Variants in NARS2 observed in about 807,000 individuals in gnomAD.
The protein encoded by NARS2 is asparaginyl-tRNA synthetase.
A neutral mutation model predicts 62.9 loss-of-function variants in NARS2; 60 were observed. The ratio of observed to expected loss-of-function variants is 0.95; its 90% CI spans 0.77 to 1.18. The LOEUF (loss-of-function observed/expected upper bound fraction) is 1.18. Among genes scored for constraint, NARS2 ranks in the 50% most tolerant of loss-of-function variants. The pLI is 0.00. For synonymous variants in NARS2, 196 were observed against 200.0 expected, an observed-to-expected ratio of 0.98 and a Z score of 0.17; for missense variants, 619 against 576.4, an observed-to-expected ratio of 1.07 and a Z score of -0.76.
intron 5 of NARS2, among the ~76,000 whole-genome samples, chr11:78,543,025 T>C (rs1315811464): frequency 6.6e-6 from 1 of 151,778 alleles, no homozygotes; most frequent in Middle Eastern, 3.2e-3. Flanking sequence ...TAATCAAGAG[T>C]AAGTTAGCCA....
intron 11 of NARS2, among the ~76,000 whole-genome samples, chr11:78,465,167 C>T (rs978284977): frequency 6.6e-6 from 1 of 152,230 alleles, no homozygotes; most frequent in African/African-American, 2.4e-5. Flanking sequence ...TGCTGCTGGC[C>T]CAGGTGCTAA....
chr11:78,483,122 G>A (rs953333663), intron 7 of NARS2, among the ~76,000 whole-genome samples: 1 of 152,106 alleles, frequency 6.6e-6, no homozygotes, highest in South Asian at 2.1e-4. Flanking sequence ...CACATAAACA[G>A]AACCAATGAC....
intron 5 of NARS2, among the ~76,000 whole-genome samples, chr11:78,558,898 C>T (rs1355400036): frequency 6.6e-6 from 1 of 152,144 alleles, no homozygotes; most frequent in African/African-American, 2.4e-5. Flanking sequence ...CAAATATTAA[C>T]TGTGGATTGA....
At chr11:78,541,920 T>C (rs1855635745) in intron 5 of NARS2, among the ~76,000 whole-genome samples, 1 of 152,178 alleles carries the variant, frequency 6.6e-6, no homozygotes, top group South Asian at 2.1e-4. Context: ...TAAACTGCAT[T>C]CTATTTTGCC....
chr11:78,568,827 G>A (rs987699843), intron 2 of NARS2, 75 bp from the exon 3 acceptor site: 2 of 1,218,898 alleles, frequency 1.6e-6, no homozygotes, highest in Non-Finnish European at 2.3e-6. Flanking sequence ...TTTGCAATAA[G>A]AATATTAAAA....
At chr11:78,561,840 A>G (rs1856566387) in intron 4 of NARS2, among the ~76,000 whole-genome samples, 1 of 152,116 alleles carries the variant, frequency 6.6e-6, no homozygotes, top group African/African-American at 2.4e-5. Context: ...CGGGTGAATC[A>G]CCTGAGGTCA....
chr11:78,492,112 G>GACAC (rs754089395), intron 7 of NARS2, among the ~76,000 whole-genome samples: 9,850 of 145,182 alleles, frequency 0.068, 404 homozygotes, highest in Middle Eastern at 0.13. Flanking sequence ...TATATATACA[G>GACAC]ACACACACAC....
At chr11:78,456,710 A>G (rs1271875157) in intron 11 of NARS2, among the ~76,000 whole-genome samples, 1 of 152,204 alleles carries the variant, frequency 6.6e-6, no homozygotes, top group African/African-American at 2.4e-5. Context: ...CATCTCATCA[A>G]GGACTGAGGG....
chr11:78,558,845 CTCT>C (rs1410006734), intron 5 of NARS2, among the ~76,000 whole-genome samples: 4 of 152,126 alleles, frequency 2.6e-5, no homozygotes, highest in African/African-American at 7.2e-5. Flanking sequence ...CACATGTATA[CTCT>C]TCTATTTTTA....
intron 10 of NARS2, among the ~76,000 whole-genome samples, chr11:78,468,310 G>GAAAGAAAAAAA (rs1858712382): frequency 3.0e-5 from 2 of 67,436 alleles, no homozygotes; most frequent in African/African-American, 1.2e-4. Flanking sequence ...CACTAAATCT[G>GAAAGAAAAAAA]AAAAAAAAAA....
intron 11 of NARS2, among the ~76,000 whole-genome samples, chr11:78,449,597 G>A (rs1857892753): frequency 6.6e-6 from 1 of 152,014 alleles, no homozygotes; most frequent in Non-Finnish European, 1.5e-5. Context: ...TGTTGTATTA[G>A]TCAGGATAGG....
At chr11:78,492,826 T>C (rs1859883631) in intron 7 of NARS2, among the ~76,000 whole-genome samples, 1 of 152,178 alleles carries the variant, frequency 6.6e-6, no homozygotes, top group South Asian at 2.1e-4. Context: ...CTAAAGATCA[T>C]GAAAGTCAGG....
At chr11:78,496,640 T>C (rs10899528) in intron 6 of NARS2, among the ~76,000 whole-genome samples, 106,691 of 151,972 alleles carry the variant, frequency 0.7, 38,735 homozygotes, top group Non-Finnish European at 0.81. Context: ...TTCTCAAAGA[T>C]AACTAGGGGA....
At chr11:78,520,004 T>A (rs1200894807) in intron 6 of NARS2, among the ~76,000 whole-genome samples, 1 of 152,124 alleles carries the variant, frequency 6.6e-6, no homozygotes, top group African/African-American at 2.4e-5. Flanking sequence ...GTTTTTGAGT[T>A]TCTTGGTCAA....
At chr11:78,456,276 A>C (rs1294945539) in intron 11 of NARS2, among the ~76,000 whole-genome samples, 1 of 152,190 alleles carries the variant, frequency 6.6e-6, no homozygotes, top group Non-Finnish European at 1.5e-5. Flanking sequence ...AAAACCTTAG[A>C]AGTCTGTATC....
chr11:78,490,540 G>C (rs1399231300), intron 7 of NARS2, among the ~76,000 whole-genome samples: 1 of 152,130 alleles, frequency 6.6e-6, no homozygotes. Flanking sequence ...AATGAGGCTG[G>C]GCATGCTGGC....
intron 10 of NARS2, among the ~76,000 whole-genome samples, chr11:78,468,087 C>G (rs1433253722): frequency 6.7e-6 from 1 of 150,058 alleles, no homozygotes; most frequent in South Asian, 2.1e-4. Context: ...GAGGCATGCT[C>G]CTCTAGTCCC....
At chr11:78,563,142 T>C (rs1461778827) in intron 4 of NARS2, among the ~76,000 whole-genome samples, 1 of 151,736 alleles carries the variant, frequency 6.6e-6, no homozygotes, top group Non-Finnish European at 1.5e-5. Flanking sequence ...TTATTACTAC[T>C]CAAAAAGTGT....
At chr11:78,569,122 T>C (rs1291607259) in intron 2 of NARS2, among the ~76,000 whole-genome samples, 1 of 151,830 alleles carries the variant, frequency 6.6e-6, no homozygotes, top group Non-Finnish European at 1.5e-5. Flanking sequence ...ATTTTTGCAA[T>C]TAAAAAAAAA....
Sources: allele counts gnomAD v4.1 joint callset (sites outside exome capture counted in the v4.1 genomes callset), GRCh38; gene constraint gnomAD v4.1.1; transcripts MANE v1.5; gene names NCBI Gene and HGNC (gene_info 2026-07-23, HGNC 2026-07-21).